SH3RF3: variants seen among roughly 807,000 people sequenced by gnomAD.
SH3RF3 encodes the protein SH3 domain containing ring finger 3.
SH3RF3 carries 29 observed loss-of-function variants against 66.3 expected under a neutral mutation model. The ratio of observed to expected loss-of-function variants is 0.44; its 90% CI spans 0.33 to 0.60. The LOEUF is 0.60. Ranked by LOEUF, SH3RF3 falls within the 20% of genes least tolerant of loss-of-function variation. The probability of loss-of-function intolerance (pLI) is 0.04; values close to 1 mark genes in which losing one functional copy is unlikely to be tolerated. For missense variants in SH3RF3, 1,194 were observed against 1,190.9 expected (o/e 1.00, Z -0.04); for synonymous variants, 583 against 532.0 (o/e 1.10, Z -1.32).
Position 109,383,164 on chromosome 2 carries a change from C to T in SH3RF3, c.945+11483C>T, listed in dbSNP as rs937487863. ...AGCTTTTCAGGCATGGAAGTGAAAGCATACTTAGCTGTGGAGAGATTTGGC... is the reference window on the plus strand; with the variant it reads ...AGCTTTTCAGGCATGGAAGTGAAAGTATACTTAGCTGTGGAGAGATTTGGC... On this transcript the variant is annotated intron_variant, in intron 3 of 9. Coordinates refer to ENST00000309415, the MANE Select transcript of SH3RF3 (RefSeq NM_001099289.3). Among the ~76,000 whole-genome samples the T allele has an allele frequency of 2.6e-5, 4 of 152,238 alleles. No homozygotes were observed. The South Asian group carries it at 8.3e-4, about 31-fold the overall frequency.
intron 1 of SH3RF3, among the ~76,000 whole-genome samples, chr2:109,160,649 C>T (rs193135994): frequency 2.9e-4 from 44 of 152,314 alleles, no homozygotes; most frequent in Non-Finnish European, 3.1e-4. Flanking sequence ...GGTCCCAGAA[C>T]TCAACAATGG....
At chr2:109,489,331 A>G (rs1279624205) in intron 8 of SH3RF3, among the ~76,000 whole-genome samples, 1 of 152,228 alleles carries the variant, frequency 6.6e-6, no homozygotes, top group Admixed American at 6.5e-5. Context: ...ACAGGCCCCC[A>G]GACCCTGGTA....
At chr2:109,291,427 C>T (rs956053114) in intron 1 of SH3RF3, among the ~76,000 whole-genome samples, 2 of 152,174 alleles carry the variant, frequency 1.3e-5, no homozygotes, top group African/African-American at 2.4e-5. Context: ...CCTGCAATCT[C>T]GCCTGGCTGC....
At chr2:109,152,083 T>G (rs1000150172) in intron 1 of SH3RF3, among the ~76,000 whole-genome samples, 1 of 152,268 alleles carries the variant, frequency 6.6e-6, no homozygotes, top group South Asian at 2.1e-4. Context: ...GTGGTCTTGA[T>G]GGACATGGAG....
intron 1 of SH3RF3, among the ~76,000 whole-genome samples, chr2:109,213,830 G>T (rs1460241888): frequency 6.6e-6 from 1 of 152,216 alleles, no homozygotes; most frequent in African/African-American, 2.4e-5. Context: ...GGCTGGAAGG[G>T]CAGGGTTACA....
intron 1 of SH3RF3, among the ~76,000 whole-genome samples, chr2:109,305,758 G>T (rs983505612): frequency 6.6e-6 from 1 of 152,202 alleles, no homozygotes. Context: ...TGTTCTCTGC[G>T]GTTCCCTGAG....
chr2:109,364,817 G>T (rs768832874), intron 2 of SH3RF3, among the ~76,000 whole-genome samples: 5 of 152,208 alleles, frequency 3.3e-5, no homozygotes, highest in African/African-American at 4.8e-5. Context: ...GGGGCCAGAT[G>T]TGGTGGCTCA....
chr2:109,419,623 G>A lies in SH3RF3; in HGVS notation c.1384G>A (p.Val462Ile), dbSNP rs1226149602. 1 of 1,584,862 alleles carries A rather than the reference G, an allele frequency of 6.3e-7. No individual in the cohort carries two copies. Among genetic ancestry groups the A allele is most frequent in the Non-Finnish European group, 8.6e-7 (1 of 1,167,112 alleles). ...TGGAGAGCAGGGCACGCCTCCCAAG[G>A]TCCAGCTGCCCCTCAACGTGTGAGC... Reference protein sequence around the residue: ...VSGEQGTPPKVQLPLNVYLAL... With the variant: ...VSGEQGTPPKIQLPLNVYLAL... Residue 462 changes from valine (V) to isoleucine (I), a missense_variant, in exon 5 of 10, where the codon GTC becomes ATC. Transcript: ENST00000309415.
chr2:109,130,139 GC>G, intron 1 of SH3RF3, 26 bp downstream of exon 1: 1 of 1,282,294 alleles, frequency 7.8e-7, no homozygotes, highest in South Asian at 2.6e-5. Flanking sequence ...GGCGGAAGTG[GC>G]CACGGCACGT....
At chr2:109,432,378 A>G (rs1573246899) in intron 5 of SH3RF3, 123 bp from the exon 6 acceptor site, 1 of 1,263,918 alleles carries the variant, frequency 7.9e-7, no homozygotes, top group Non-Finnish European at 1.1e-6. Flanking sequence ...CAGAGCCCCC[A>G]TAGACTCTAG....
chr2:109,488,933 A>T (rs948620654), intron 8 of SH3RF3, among the ~76,000 whole-genome samples: 7 of 152,194 alleles, frequency 4.6e-5, no homozygotes, highest in African/African-American at 1.7e-4. Flanking sequence ...CCCGTGCTGC[A>T]TGGCTCAGAG....
intron 8 of SH3RF3, among the ~76,000 whole-genome samples, chr2:109,482,218 T>C (rs1323053433): frequency 6.6e-6 from 1 of 152,184 alleles, no homozygotes; most frequent in Non-Finnish European, 1.5e-5. Context: ...TGAATGAATG[T>C]ATGGGCAAGA....
In SH3RF3 at chr2:109,228,618, TC is replaced by T. The variant is rs542800277; in HGVS notation, c.573+98506del. ...CAGAGGCCAGTTGCAAGAGGTGTCT[TC>T]AGGTTACCTGGAACTTCTGTGTGGC... On this transcript the variant is annotated intron_variant, in intron 1 of 9. Coordinates refer to ENST00000309415, the MANE Select transcript of SH3RF3 (RefSeq NM_001099289.3). 6.9e-3 allele frequency among the ~76,000 whole-genome samples: 1,044 copies of T among 152,300 alleles called. 14 individuals are homozygous for T. The highest frequency in any genetic ancestry group is 0.011 in the Non-Finnish European group (747 of 68,012).
chr2:109,362,790 T>G (rs1380345896), intron 2 of SH3RF3, among the ~76,000 whole-genome samples: 1 of 152,216 alleles, frequency 6.6e-6, no homozygotes, highest in Non-Finnish European at 1.5e-5. Context: ...TATGTCTTCT[T>G]GGGGAATTGA....
intron 1 of SH3RF3, among the ~76,000 whole-genome samples, chr2:109,220,635 A>G (rs1262196015): frequency 2.0e-5 from 3 of 152,228 alleles, no homozygotes; most frequent in Non-Finnish European, 4.4e-5. Context: ...TTTCCCAAAG[A>G]TATACAAATG....
chr2:109,411,062 G>C (rs1452233976), intron 4 of SH3RF3, among the ~76,000 whole-genome samples: 3 of 152,184 alleles, frequency 2.0e-5, no homozygotes, highest in Non-Finnish European at 4.4e-5. Flanking sequence ...CAGAGAGGTG[G>C]CTCGTGGTTA....
At chr2:109,439,439 CTG>C (rs1677501701) in intron 7 of SH3RF3, among the ~76,000 whole-genome samples, 1 of 152,176 alleles carries the variant, frequency 6.6e-6, no homozygotes, top group Non-Finnish European at 1.5e-5. Flanking sequence ...AGAAAAAACA[CTG>C]TTGACAGTCC....
At chr2:109,444,752 A>C (rs1020460041) in intron 7 of SH3RF3, among the ~76,000 whole-genome samples, 33 of 152,318 alleles carry the variant, frequency 2.2e-4, no homozygotes, top group African/African-American at 6.0e-4. Context: ...AAAGTAGACA[A>C]AGAGCCGCAA....
At chr2:109,423,247 G>A (rs561280240) in intron 5 of SH3RF3, among the ~76,000 whole-genome samples, 48 of 152,088 alleles carry the variant, frequency 3.2e-4, no homozygotes, top group African/African-American at 9.2e-4. Flanking sequence ...CGTGGCCAGC[G>A]GTTTTCATCC....
Sources: allele counts gnomAD v4.1 joint callset (sites outside exome capture counted in the v4.1 genomes callset), GRCh38; gene constraint gnomAD v4.1.1; transcripts MANE v1.5; gene names NCBI Gene and HGNC (gene_info 2026-07-23, HGNC 2026-07-21).